Variants in ASTN2 observed in about 807,000 individuals in gnomAD.
ASTN2 encodes astrotactin 2.
A neutral mutation model predicts 139.8 loss-of-function variants in ASTN2; 54 were observed. The ratio of observed to expected loss-of-function variants is 0.39; its 90% confidence interval spans 0.31 to 0.48. The LOEUF is 0.48. Among genes scored for constraint, ASTN2 ranks in the 20% least tolerant of loss-of-function variants. The pLI, the probability that ASTN2 is intolerant of heterozygous loss-of-function variation, is 0.95. For missense variants in ASTN2, 1,565 were observed against 1,725.1 expected (o/e 0.91, Z 1.64); for synonymous variants, 756 against 719.5 (o/e 1.05, Z -0.81).
intron 5 of ASTN2, among the ~76,000 whole-genome samples, chr9:117,071,870 C>T (rs923053897): frequency 1.2e-4 from 19 of 152,254 alleles, no homozygotes; most frequent in Admixed American, 3.9e-4. Flanking sequence ...TGCTTCGGCT[C>T]GCGCACCGTG....
At chr9:117,348,882 C>A (rs1420501850) in intron 1 of ASTN2, among the ~76,000 whole-genome samples, 361 of 130,240 alleles carry the variant, frequency 2.8e-3, no homozygotes, top group Middle Eastern at 4.2e-3. Context: ...TGTCTCTGTC[C>A]AAAAAAAAAA....
chr9:116,597,876 C>G (rs1051664134), intron 19 of ASTN2, among the ~76,000 whole-genome samples: 3 of 152,066 alleles, frequency 2.0e-5, no homozygotes, highest in African/African-American at 7.2e-5. Flanking sequence ...TCTCCTACAT[C>G]GTTGATGTCA....
intron 1 of ASTN2, among the ~76,000 whole-genome samples, chr9:117,399,153 A>C (rs1465424725): frequency 6.6e-6 from 1 of 152,220 alleles, no homozygotes; most frequent in Non-Finnish European, 1.5e-5. Context: ...ACAGATATTA[A>C]AGAGAAATGA....
intron 11 of ASTN2, among the ~76,000 whole-genome samples, chr9:116,855,191 G>T (rs1029968462): frequency 6.6e-6 from 1 of 152,146 alleles, no homozygotes; most frequent in Non-Finnish European, 1.5e-5. Flanking sequence ...TGTCATAAAA[G>T]GGTGCATAGG....
chr9:116,623,139 A>G (rs886668214), intron 17 of ASTN2, among the ~76,000 whole-genome samples: 3 of 142,614 alleles, frequency 2.1e-5, no homozygotes, highest in Non-Finnish European at 4.6e-5. Context: ...GAAGAGAGAG[A>G]GCATACTCTG....
At chr9:116,837,704 A>G (rs10983371) in intron 11 of ASTN2, among the ~76,000 whole-genome samples, 1 of 152,168 alleles carries the variant, frequency 6.6e-6, no homozygotes, top group African/African-American at 2.4e-5. Context: ...AGAAGGAAAA[A>G]CAACCAACTT....
At chr9:117,023,668 A>G (rs1164907149) in intron 6 of ASTN2, among the ~76,000 whole-genome samples, 1 of 152,148 alleles carries the variant, frequency 6.6e-6, no homozygotes, top group Admixed American at 6.6e-5. Context: ...ACACATAAGA[A>G]ACAGGAAATA....
intron 13 of ASTN2, among the ~76,000 whole-genome samples, chr9:116,787,540 C>T (rs1830406800): frequency 6.6e-6 from 1 of 152,196 alleles, no homozygotes; most frequent in Non-Finnish European, 1.5e-5. Flanking sequence ...CAGAGAAATA[C>T]ATTTGCAAAG....
In ASTN2 at chr9:116,995,984, T is replaced by C. The variant is rs7847728; in HGVS notation, c.1591+12108A>G. Among the ~76,000 whole-genome samples, 664 of 152,184 alleles carry C rather than the reference T, an allele frequency of 4.4e-3. 4 individuals are homozygous for C. Among genetic ancestry groups the C allele is most frequent in the African/African-American group, 0.015 (606 of 41,544 alleles). On this transcript the variant is annotated intron_variant, in intron 7 of 22. Transcript: ENST00000313400. ...GCCTCCAAGTGGCTAGGACTACAGG[T>C]GCATGCCACCATGCCCAGCTAATTT...
intron 19 of ASTN2, among the ~76,000 whole-genome samples, chr9:116,551,610 A>G (rs920057415): frequency 2.6e-5 from 4 of 152,162 alleles, no homozygotes; most frequent in Non-Finnish European, 5.9e-5. Flanking sequence ...ATTCAGAGTC[A>G]GTGGTCTTGG....
At chr9:117,140,187 G>T (rs1286301241) in intron 4 of ASTN2, among the ~76,000 whole-genome samples, 1 of 152,158 alleles carries the variant, frequency 6.6e-6, no homozygotes, top group Admixed American at 6.5e-5. Flanking sequence ...CCAGAGAGGT[G>T]GTTTCATGCA....
At chr9:117,183,004 G>A (rs985485478) in intron 3 of ASTN2, among the ~76,000 whole-genome samples, 2 of 152,174 alleles carry the variant, frequency 1.3e-5, no homozygotes, top group African/African-American at 4.8e-5. Flanking sequence ...CAGTTCATTT[G>A]GTTGAACGCT....
At chr9:116,650,717 T>A (rs1006502426) in intron 17 of ASTN2, among the ~76,000 whole-genome samples, 2 of 152,188 alleles carry the variant, frequency 1.3e-5, no homozygotes, top group African/African-American at 4.8e-5. Context: ...TCCATTTCCC[T>A]GTCTTCATTT....
chr9:117,126,888 C>T (rs1374605812), intron 4 of ASTN2, among the ~76,000 whole-genome samples: 1 of 152,170 alleles, frequency 6.6e-6, no homozygotes, highest in Admixed American at 6.5e-5. Context: ...GTGTCTTACA[C>T]TGAGTAGACA....
At chr9:116,744,518 A>G (rs1300898902) in intron 13 of ASTN2, among the ~76,000 whole-genome samples, 1 of 152,144 alleles carries the variant, frequency 6.6e-6, no homozygotes, top group Non-Finnish European at 1.5e-5. Context: ...TCCAGACAAG[A>G]CATAACCGAT....
At chr9:116,859,769 C>T (rs545603620) in intron 11 of ASTN2, among the ~76,000 whole-genome samples, 11 of 152,314 alleles carry the variant, frequency 7.2e-5, no homozygotes, top group African/African-American at 2.2e-4. Flanking sequence ...GGGTTCTGGG[C>T]GTCACTTGCT....
chr9:117,413,228 G>C (rs935790915), intron 1 of ASTN2, among the ~76,000 whole-genome samples: 20 of 152,394 alleles, frequency 1.3e-4, no homozygotes, highest in African/African-American at 4.8e-4. Context: ...TACCAGGAGA[G>C]TGGAGCGTAG....
chr9:116,701,318 A>C (rs1211864446), intron 16 of ASTN2: 1 of 166,060 alleles, frequency 6.0e-6, no homozygotes, highest in African/African-American at 2.4e-5. Flanking sequence ...TGTTCTTTTC[A>C]TCTGGAGAAA....
At position 117,413,526 on chromosome 9, in the gene ASTN2, T is replaced by C. The variant is rs953447638; in HGVS notation, c.442+971A>G. Among the ~76,000 whole-genome samples, 6 of 152,278 alleles carry C rather than the reference T, an allele frequency of 3.9e-5. No individual in the cohort carries two copies. In the East Asian group the frequency reaches 1.2e-3, roughly 30 times the overall value. On this transcript the variant is annotated intron_variant, in intron 1 of 22. Coordinates refer to ENST00000313400, the MANE Select transcript of ASTN2 (RefSeq NM_001365068.1). ...GGGAGAGCTAAGGGGAACAACATTT[T>C]TGTAAACGCTCTCCGAGATAATTAA...
Sources: gnomAD v4.1 joint callset for allele counts (sites outside exome capture counted in the v4.1 genomes callset) on GRCh38, gnomAD v4.1.1 for gene constraint, MANE v1.5 for transcripts, NCBI Gene and HGNC (gene_info 2026-07-23, HGNC 2026-07-21) for gene names.